DSC3: variants seen among roughly 807,000 people sequenced by gnomAD.
DSC3 encodes desmocollin 3.
In DSC3, 97 loss-of-function variants were observed where a neutral mutation model predicts 89.5. The observed-to-expected ratio is 1.08, with a 90% CI of 0.92 to 1.28. The LOEUF is 1.28. Ranked by LOEUF, DSC3 falls within the 50% of genes most tolerant of loss-of-function variation. DSC3 has a pLI of 0.00. For synonymous variants in DSC3, 436 were observed against 384.1 expected, an observed-to-expected ratio of 1.14 and a Z score of -1.58; for missense variants, 1,199 against 1,085.3, an observed-to-expected ratio of 1.10 and a Z score of -1.47.
chr18:31,004,079 A>T, intron 13 of DSC3, 63 bp downstream of exon 13: 2 of 1,314,986 alleles, frequency 1.5e-6, no homozygotes, highest in Non-Finnish European at 1.1e-6. Flanking sequence ...TTTTTTAAAC[A>T]TCTTTTCCCA....
At position 31,031,185 on chromosome 18, in the gene DSC3, A is replaced by C. The variant is rs1319461779; in HGVS notation, c.155-13T>G. 6.3e-7 allele frequency: 1 copy of C among 1,598,188 alleles called. No homozygotes were observed. Among genetic ancestry groups the C allele is most frequent in the Non-Finnish European group, 8.5e-7 (1 of 1,169,912 alleles). ...TCTTCCAAATTAACTGCAAGTAAAA[A>C]TTTCCAAGTTGTAAGGTAAAAACAC... On this transcript the variant is annotated splice_polypyrimidine_tract_variant and intron_variant, in intron 2 of 15. Transcript: ENST00000360428.
intron 1 of DSC3, among the ~76,000 whole-genome samples, chr18:31,041,555 G>C (rs1445057601): frequency 1.3e-5 from 2 of 152,168 alleles, no homozygotes; most frequent in African/African-American, 4.8e-5. Flanking sequence ...CTGCCGACGC[G>C]GGTATAGACC....
intron 2 of DSC3, 61 bp downstream of exon 2, chr18:31,032,131 T>C (rs1985809484): frequency 3.4e-6 from 4 of 1,187,584 alleles, no homozygotes; most frequent in Non-Finnish European, 3.8e-6. Flanking sequence ...TATTATATCA[T>C]GCTCTTTCCA....
At chr18:31,041,830 C>G (rs1288073192) in intron 1 of DSC3, among the ~76,000 whole-genome samples, 1 of 152,142 alleles carries the variant, frequency 6.6e-6, no homozygotes. Context: ...CTCCCCGGAG[C>G]CGGAGTAAGT....
intron 1 of DSC3, among the ~76,000 whole-genome samples, chr18:31,036,299 TTG>T (rs1355534485): frequency 1.3e-5 from 2 of 152,210 alleles, no homozygotes; most frequent in Non-Finnish European, 2.9e-5. Flanking sequence ...TATTTATTTG[TTG>T]TGAGATTGAC....
intron 7 of DSC3, among the ~76,000 whole-genome samples, chr18:31,021,788 G>C (rs972615398): frequency 6.6e-6 from 1 of 152,030 alleles, no homozygotes; most frequent in Non-Finnish European, 1.5e-5. Context: ...CACGTGTCTA[G>C]TCAAACAAAA....
Position 30,993,101 on chromosome 18 carries a change from T to C in DSC3, c.*1074A>G, listed in dbSNP as rs946864108. The C allele has an allele frequency of 7.2e-5, 11 of 152,176 alleles. No individual in the cohort carries two copies. Among genetic ancestry groups the C allele is most frequent in the African/African-American group, 2.4e-4 (10 of 41,446 alleles). 9.4% of individuals were successfully genotyped at this position (152,176 alleles called of 1,614,324 possible). A position where few individuals can be genotyped will look rare whatever the true frequency, so the allele number is the denominator to read the frequency against. On this transcript the variant is annotated 3_prime_UTR_variant, in exon 16 of 16. Transcript: ENST00000360428. ...GAGGACATGGTTATTTGGATCTAAA[T>C]TAAAAAGATGTTGGTCACTATAAGA...
intron 14 of DSC3, 121 bp from the exon 15 acceptor site, chr18:30,997,169 A>G (rs1429850199): frequency 6.5e-6 from 8 of 1,236,798 alleles, no homozygotes; most frequent in Non-Finnish European, 9.2e-6. Context: ...CATTCATTCA[A>G]CAGACATTTA....
At chr18:31,013,707 T>C (rs534389996) in intron 9 of DSC3, among the ~76,000 whole-genome samples, 27 of 152,204 alleles carry the variant, frequency 1.8e-4, no homozygotes, top group African/African-American at 6.3e-4. Context: ...TGAAACACCA[T>C]TTTTTTGCTA....
At chr18:30,998,397 G>C (rs1298477834) in intron 14 of DSC3, among the ~76,000 whole-genome samples, 2 of 152,176 alleles carry the variant, frequency 1.3e-5, no homozygotes, top group African/African-American at 4.8e-5. Flanking sequence ...GTGCTTATGG[G>C]CAAGAGGAGA....
At chr18:31,041,062 G>A (rs886571210) in intron 1 of DSC3, among the ~76,000 whole-genome samples, 1 of 151,914 alleles carries the variant, frequency 6.6e-6, no homozygotes, top group African/African-American at 2.4e-5. Context: ...CCTCCGTTTA[G>A]ATTTACGCGC....
chr18:31,018,205 G>A lies in DSC3; in HGVS notation c.1129C>T (p.Pro377Ser). ...TTAATTAAATCCTTATCTTCTATAG[G>A]TATTCGTAAGATTTCCACATTGAAT... is the stretch of plus-strand genomic sequence containing the variant. The part of the protein sequence containing the change: ...NAFNVEILRI[P>S]IEDKDLINTA... Residue 377 changes from proline to serine, a missense_variant, in exon 9 of 16, where the codon CCT (proline) becomes TCT (serine). Transcript: ENST00000360428. 1 of 1,611,466 alleles carries A rather than the reference G, an allele frequency of 6.2e-7. No homozygotes were observed. Among genetic ancestry groups the A allele is most frequent in the East Asian group, 2.2e-5 (1 of 44,656 alleles).
At chr18:31,039,413 G>A (rs1466203190) in intron 1 of DSC3, among the ~76,000 whole-genome samples, 2 of 152,106 alleles carry the variant, frequency 1.3e-5, no homozygotes, top group Non-Finnish European at 2.9e-5. Context: ...GAAATTTATG[G>A]AATGTCTTAA....
Position 31,007,042 on chromosome 18 carries a change from A to G in DSC3, c.1753T>C (p.Cys585Arg), listed in dbSNP as rs1461814456. 6.2e-7 allele frequency: 1 copy of G among 1,614,018 alleles called. No homozygotes were observed. The highest frequency in any genetic ancestry group is 1.1e-5 in the South Asian group (1 of 91,078). Residue 585 changes from cysteine (C) to arginine (R), a missense_variant, in exon 12 of 16, where the codon TGC (cysteine) becomes CGC (arginine). By Grantham distance (180) the Cys-to-Arg change is radical. Coordinates refer to ENST00000360428, the MANE Select transcript of DSC3 (RefSeq NM_001941.5). ...TCGGTATACCCCATTTTTGGTTTGC[A>G]AATGACTACATATTCTTGAAGTATT... ...PEILQEYVVI[C>R]KPKMGYTDIL... is the part of the protein sequence containing the mutation.
rs1318927438 is a variant in DSC3, at chr18:30,991,789, TTGAG to T, written c.*2382_*2385del. On this transcript the variant is annotated 3_prime_UTR_variant, in exon 16 of 16. Transcript: ENST00000360428. ...CCCTGGCTTCTCGACTGTCTTTTGG[TTGAG>T]TATTTCAAGATTGATCCAATTCGTA... 2.6e-5 allele frequency: 4 copies of T among 152,308 alleles called. No homozygotes were observed. The East Asian group carries it at 5.8e-4, about 22-fold the overall frequency. The allele number at this position is 152,308 out of a possible 1,614,324, so 9.4% of individuals were successfully genotyped here. A position where few individuals can be genotyped will look rare whatever the true frequency, so the allele number is the denominator to read the frequency against.
At chr18:31,023,490 C>CA (rs1026171163) in intron 6 of DSC3, among the ~76,000 whole-genome samples, 1 of 152,030 alleles carries the variant, frequency 6.6e-6, no homozygotes, top group African/African-American at 2.4e-5. Flanking sequence ...TCCTAAACTC[C>CA]AAACCAATAA....
chr18:31,029,516 A>G lies in DSC3; in HGVS notation c.467T>C (p.Leu156Pro), dbSNP rs1444787171. 1.2e-6 allele frequency: 2 copies of G among 1,613,848 alleles called. No individual in the cohort carries two copies. The highest frequency in any genetic ancestry group is 1.7e-5 in the Admixed American group (1 of 60,028). Reference protein sequence around the residue: ...ENSLGPFPLFLQQVESDAAQN... With the variant: ...ENSLGPFPLFPQQVESDAAQN... Reference sequence around the variant, plus strand: ...GAAAAGGTGTAAACCTACTTGTTGAAGAAACAATGGGAAAGGGCCCAAGGA... The same window carrying G: ...GAAAAGGTGTAAACCTACTTGTTGAGGAAACAATGGGAAAGGGCCCAAGGA... Residue 156 changes from leucine to proline, a missense_variant, in exon 4 of 16, where the codon CTT (leucine) becomes CCT (proline). Physicochemically the swap from Leu to Pro is moderately conservative, Grantham distance 98. Coordinates refer to ENST00000360428, the MANE Select transcript of DSC3 (RefSeq NM_001941.5).
At position 31,022,318 on chromosome 18, in the gene DSC3, A is replaced by G. The variant is rs11874516; in HGVS notation, c.942+18T>C. On this transcript the variant is annotated intron_variant, in intron 7 of 15. Transcript: ENST00000360428. Reference sequence around the variant, plus strand: ...TTAATCCTCAGCGAAATGAAATTCTATGGAGTGTGTGAGCTACCTCTCTGT... The same window carrying G: ...TTAATCCTCAGCGAAATGAAATTCTGTGGAGTGTGTGAGCTACCTCTCTGT... The G allele has an allele frequency of 6.4e-3, 10,407 of 1,613,862 alleles. 587 individuals carry two copies. In the African/African-American group the frequency reaches 0.12, roughly 19 times the overall value.
rs996113996 is a variant in DSC3 at position 30,996,834 on chromosome 18, G to T, written c.2450C>A (p.Thr817Asn). The T allele has an allele frequency of 6.2e-6, 10 of 1,613,684 alleles. No individual in the cohort carries two copies. Among genetic ancestry groups the T allele is most frequent in the Non-Finnish European group, 8.5e-6 (10 of 1,179,976 alleles). ...GHTEVDNCRY[T>N]YSEWHSFTQP... is the part of the protein sequence containing the mutation. Reference sequence around the variant, plus strand: ...AGTAAAACTGTGCCACTCCGAGTAAGTGTATCTGCAGTTGTCCACCTCCGT... The same window carrying T: ...AGTAAAACTGTGCCACTCCGAGTAATTGTATCTGCAGTTGTCCACCTCCGT... Residue 817 changes from threonine (T) to asparagine (N), a missense_variant, in exon 15 of 16, where the codon ACT becomes AAT. Thr to Asn is a moderately conservative substitution (Grantham distance 65, BLOSUM62 0). Transcript: ENST00000360428.
Sources: gnomAD v4.1 joint callset for allele counts (sites outside exome capture counted in the v4.1 genomes callset) on GRCh38, gnomAD v4.1.1 for gene constraint, MANE v1.5 for transcripts, NCBI Gene and HGNC (gene_info 2026-07-23, HGNC 2026-07-21) for gene names.